The following RAD51B variants were observed in gnomAD, a reference collection of about 807,000 sequenced individuals.
RAD51B encodes the protein RAD51 paralog B.
A neutral mutation model predicts 42.2 loss-of-function variants in RAD51B; 38 were observed. The observed-to-expected ratio is 0.90, with a 90% CI of 0.70 to 1.18. The LOEUF is 1.18. Ranked by LOEUF, RAD51B falls within the 50% of genes most tolerant of loss-of-function variation. RAD51B has a pLI of 0.00. For missense variants in RAD51B, 373 were observed against 400.7 expected, an observed-to-expected ratio of 0.93 and a Z score of 0.59; for synonymous variants, 154 against 145.2, an observed-to-expected ratio of 1.06 and a Z score of -0.43.
At chr14:68,567,643 TA>T (rs1447097785) in intron 10 of RAD51B, among the ~76,000 whole-genome samples, 1 of 152,226 alleles carries the variant, frequency 6.6e-6, no homozygotes, top group Non-Finnish European at 1.5e-5. Flanking sequence ...GTGCTCTGTG[TA>T]TACCTACTTT....
intron 7 of RAD51B, among the ~76,000 whole-genome samples, chr14:67,939,475 TA>T (rs1039946660): frequency 1.1e-4 from 17 of 152,008 alleles, no homozygotes; most frequent in Non-Finnish European, 2.1e-4. Flanking sequence ...AGAACTTCTT[TA>T]AAAAAAGGCA....
chr14:68,428,737 ATATATATATATATATATATATATATAT>A (rs2084920046), intron 9 of RAD51B, among the ~76,000 whole-genome samples: 1 of 40,492 alleles, frequency 2.5e-5, no homozygotes, highest in Non-Finnish European at 6.1e-5. Context: ...ATATATATAT[ATATATATATATATATATATATATATAT>A]AATTATTATA....
chr14:68,601,454 G>A (rs893569780), intron 10 of RAD51B, among the ~76,000 whole-genome samples: 5 of 152,206 alleles, frequency 3.3e-5, no homozygotes, highest in South Asian at 4.1e-4. Context: ...CCTAAAGGGG[G>A]CTGGGAGAGT....
chr14:68,068,213 C>T (rs945875803), intron 7 of RAD51B, among the ~76,000 whole-genome samples: 2 of 152,110 alleles, frequency 1.3e-5, no homozygotes, highest in African/African-American at 4.8e-5. Flanking sequence ...ATCACCAATA[C>T]CTAATTGTAG....
At chr14:68,008,696 G>C (rs1278638211) in intron 7 of RAD51B, among the ~76,000 whole-genome samples, 1 of 152,018 alleles carries the variant, frequency 6.6e-6, no homozygotes, top group Non-Finnish European at 1.5e-5. Flanking sequence ...AGTGTTGACA[G>C]TTGTGAACTA....
At chr14:68,660,971 G>T (rs191008147) in intron 11 of RAD51B, among the ~76,000 whole-genome samples, 1 of 152,274 alleles carries the variant, frequency 6.6e-6, no homozygotes, top group East Asian at 1.9e-4. Context: ...ACCAAATCGC[G>T]TATAGTGTCT....
intron 8 of RAD51B, among the ~76,000 whole-genome samples, chr14:68,346,718 A>G (rs1476261383): frequency 6.6e-6 from 1 of 152,096 alleles, no homozygotes; most frequent in Non-Finnish European, 1.5e-5. Context: ...CAGACTCCCT[A>G]GCATACATAC....
intron 11 of RAD51B, among the ~76,000 whole-genome samples, chr14:68,673,884 A>ACG (rs1491526985): frequency 1.1e-5 from 1 of 90,568 alleles, no homozygotes; most frequent in Non-Finnish European, 2.4e-5. Context: ...GTGCACACAC[A>ACG]TGTATACATG....
chr14:67,826,678 T>C (rs910676036), intron 3 of RAD51B, among the ~76,000 whole-genome samples: 1 of 152,024 alleles, frequency 6.6e-6, no homozygotes, highest in Non-Finnish European at 1.5e-5. Context: ...ACAACAGATA[T>C]TTTCTTTCTT....
intron 8 of RAD51B, among the ~76,000 whole-genome samples, chr14:68,301,210 A>G (rs1783240214): frequency 6.6e-6 from 1 of 152,172 alleles, no homozygotes; most frequent in Non-Finnish European, 1.5e-5. Context: ...ATCTCCAGCT[A>G]TAGAGGATGA....
chr14:68,354,772 G>C (rs2082863923), intron 8 of RAD51B, among the ~76,000 whole-genome samples: 1 of 151,874 alleles, frequency 6.6e-6, no homozygotes, highest in South Asian at 2.1e-4. Context: ...CATTTAGGTG[G>C]GAAAGGTAAC....
chr14:67,933,865 C>G (rs1425589783), intron 7 of RAD51B, among the ~76,000 whole-genome samples: 1 of 152,214 alleles, frequency 6.6e-6, no homozygotes, highest in African/African-American at 2.4e-5. Flanking sequence ...TCAGGAAGAG[C>G]AGAAGCTACC....
chr14:68,631,111 T>A (rs2140122735), intron 10 of RAD51B, among the ~76,000 whole-genome samples: 1 of 152,294 alleles, frequency 6.6e-6, no homozygotes, highest in Non-Finnish European at 1.5e-5. Context: ...GAGTTAAGCC[T>A]GTCAACTATG....
intron 5 of RAD51B, among the ~76,000 whole-genome samples, chr14:67,869,806 T>G (rs2042459959): frequency 6.6e-6 from 1 of 152,170 alleles, no homozygotes; most frequent in Admixed American, 6.5e-5. Context: ...AAAAGAATTT[T>G]CAACCCAGAA....
At chr14:68,346,969 GC>G (rs929206546) in intron 8 of RAD51B, among the ~76,000 whole-genome samples, 23 of 152,190 alleles carry the variant, frequency 1.5e-4, no homozygotes, top group African/African-American at 5.3e-4. Flanking sequence ...CCCAAGGCTG[GC>G]TCAGCTTTTA....
intron 11 of RAD51B, among the ~76,000 whole-genome samples, chr14:68,682,386 C>T (rs1893450663): frequency 6.6e-6 from 1 of 152,210 alleles, no homozygotes; most frequent in East Asian, 1.9e-4. Flanking sequence ...ACACACCAAG[C>T]TCGAGAGAGT....
intron 7 of RAD51B, among the ~76,000 whole-genome samples, chr14:67,980,692 G>A: frequency 6.6e-6 from 1 of 152,162 alleles, no homozygotes; most frequent in East Asian, 1.9e-4. Flanking sequence ...GGATATTCAT[G>A]TGAAAAAATT....
At chr14:67,886,831 G>A (rs1423407022) in intron 6 of RAD51B, 190 bp from the exon 7 acceptor site, 1 of 402,760 alleles carries the variant, frequency 2.5e-6, no homozygotes, top group East Asian at 3.8e-5. Flanking sequence ...AAACTACACA[G>A]AAACAGTTTG....
At chr14:68,375,095 T>A (rs1160610975) in intron 8 of RAD51B, among the ~76,000 whole-genome samples, 1 of 152,056 alleles carries the variant, frequency 6.6e-6, no homozygotes, top group Non-Finnish European at 1.5e-5. Flanking sequence ...CAGATGGAAC[T>A]GCTTCAACAA....
Sources: allele counts gnomAD v4.1 joint callset (sites outside exome capture counted in the v4.1 genomes callset), GRCh38; gene constraint gnomAD v4.1.1; transcripts MANE v1.5; gene names NCBI Gene and HGNC (gene_info 2026-07-23, HGNC 2026-07-21).